ALG5: variants seen among roughly 807,000 people sequenced by gnomAD.
The protein encoded by ALG5 is dolichyl-phosphate beta-glucosyltransferase.
Under a neutral mutation model 51.8 loss-of-function variants are expected in ALG5, and 26 were observed. That is an observed-to-expected ratio of 0.50 (90% confidence interval 0.37 to 0.70). The LOEUF is 0.70. Among genes scored for constraint, ALG5 ranks in the 30% least tolerant of loss-of-function variants. The probability of loss-of-function intolerance (pLI) is 0.00; values close to 1 mark genes in which losing one functional copy is unlikely to be tolerated. For synonymous variants in ALG5, 141 were observed against 136.1 expected (o/e 1.04, Z -0.25); for missense variants, 311 against 399.3 (o/e 0.78, Z 1.88).
intron 8 of ALG5, among the ~76,000 whole-genome samples, chr13:36,955,447 T>C (rs2058835183): frequency 6.6e-6 from 1 of 151,932 alleles, no homozygotes; most frequent in African/African-American, 2.4e-5. Flanking sequence ...GAAGACACTG[T>C]AGTCATGCAA....
chr13:36,977,430 T>C (rs948814029), intron 6 of ALG5, among the ~76,000 whole-genome samples: 1 of 151,922 alleles, frequency 6.6e-6, no homozygotes, highest in South Asian at 2.1e-4. Flanking sequence ...GGTAAGAGGA[T>C]TGTGGCTGAG....
intron 6 of ALG5, among the ~76,000 whole-genome samples, chr13:36,984,100 ATT>A (rs776760270): frequency 3.8e-4 from 53 of 139,832 alleles, no homozygotes; most frequent in African/African-American, 9.7e-4. Context: ...TAGTTCTGTA[ATT>A]TTTTTTTTTT....
At chr13:36,961,469 T>C (rs1215585465) in intron 8 of ALG5, among the ~76,000 whole-genome samples, 2 of 152,174 alleles carry the variant, frequency 1.3e-5, no homozygotes, top group Non-Finnish European at 1.5e-5. Flanking sequence ...GAGGTATAAG[T>C]AACCTAGAGA....
chr13:36,999,194 G>A (rs764244031), intron 1 of ALG5, 41 bp downstream of exon 1: 2 of 1,522,092 alleles, frequency 1.3e-6, no homozygotes, highest in South Asian at 2.5e-5. Context: ...CCAGGAGAGC[G>A]GTAAGCCCCG....
At chr13:36,987,166 T>C (rs973984547) in intron 5 of ALG5, among the ~76,000 whole-genome samples, 1 of 152,198 alleles carries the variant, frequency 6.6e-6, no homozygotes, top group African/African-American at 2.4e-5. Flanking sequence ...TCCTCTCTCC[T>C]AGGCTATTCT....
chr13:36,997,190 A>G (rs2059054544), intron 1 of ALG5, among the ~76,000 whole-genome samples: 1 of 152,090 alleles, frequency 6.6e-6, no homozygotes, highest in Admixed American at 6.5e-5. Flanking sequence ...ACAAGGAAAA[A>G]GGCCGGGCGC....
intron 6 of ALG5, 90 bp from the exon 7 acceptor site, chr13:36,972,126 C>T: frequency 9.2e-7 from 1 of 1,083,812 alleles, no homozygotes; most frequent in Non-Finnish European, 1.3e-6. Context: ...TTTTTAGAAA[C>T]TGATTTTAAA....
intron 7 of ALG5, among the ~76,000 whole-genome samples, chr13:36,967,409 G>T (rs2058899856): frequency 1.3e-5 from 2 of 152,056 alleles, no homozygotes; most frequent in African/African-American, 4.8e-5. Context: ...AGGATTAAAT[G>T]AGATTATTTT....
chr13:36,977,419 A>G (rs1178252123), intron 6 of ALG5, among the ~76,000 whole-genome samples: 1 of 152,080 alleles, frequency 6.6e-6, no homozygotes, highest in African/African-American at 2.4e-5. Context: ...AGGGAGGCTG[A>G]GGTAAGAGGA....
chr13:36,974,039 G>C (rs1282551569), intron 6 of ALG5, among the ~76,000 whole-genome samples: 3 of 152,144 alleles, frequency 2.0e-5, no homozygotes, highest in African/African-American at 4.8e-5. Flanking sequence ...AATCATTTCA[G>C]TATTTGAAGT....
chr13:36,957,551 G>C lies in ALG5; in HGVS notation c.774-4952C>G, dbSNP rs550373776. Among the ~76,000 whole-genome samples the C allele has an allele frequency of 2.5e-4, 38 of 152,042 alleles. 1 individual carries two copies. Among genetic ancestry groups the C allele is most frequent in the African/African-American group, 9.2e-4 (38 of 41,374 alleles). On this transcript the variant is annotated intron_variant, in intron 8 of 9. Coordinates refer to ENST00000239891, the MANE Select transcript of ALG5 (RefSeq NM_013338.5). ...GCCTGGAGGCCACAATCCTCAGGAA[G>C]AGTCGAGAAAATGAACGAAACACTC... is the stretch of plus-strand genomic sequence containing the variant.
rs1328111780 is a variant in ALG5, at chr13:36,972,045, A to G, written c.562-9T>C. ...GCTATAGCCATTTGATTCTGAGGGAAAAAGCAGAGATAGTTTTTCAATATT... is the reference window on the plus strand; with the variant it reads ...GCTATAGCCATTTGATTCTGAGGGAGAAAGCAGAGATAGTTTTTCAATATT... On this transcript the variant is annotated splice_polypyrimidine_tract_variant and intron_variant, in intron 6 of 9. Coordinates refer to ENST00000239891, the MANE Select transcript of ALG5 (RefSeq NM_013338.5). 1 of 1,584,766 alleles carries G rather than the reference A, an allele frequency of 6.3e-7. No individual in the cohort carries two copies.
chr13:36,999,323 C>A lies in ALG5; in HGVS notation c.-23G>T. The A allele has an allele frequency of 6.4e-7, 1 of 1,562,236 alleles. No individual in the cohort carries two copies. Among genetic ancestry groups the A allele is most frequent in the Non-Finnish European group, 8.6e-7 (1 of 1,157,446 alleles). On this transcript the variant is annotated 5_prime_UTR_variant, in exon 1 of 10. Transcript: ENST00000239891. ...CATTCTCCATGCCGTGGCAGCCCGCCCAATCCCGCACCTCCACACAGGCGG... is the reference window on the plus strand; with the variant it reads ...CATTCTCCATGCCGTGGCAGCCCGCACAATCCCGCACCTCCACACAGGCGG...
In ALG5 at chr13:36,976,652, G is replaced by A. The variant is rs527391560; in HGVS notation, c.562-4616C>T. On this transcript the variant is annotated intron_variant, in intron 6 of 9. Transcript: ENST00000239891. ...AGTCCCAGCTACTTGGGAGGCTGAG[G>A]CAGGAGAATCGCTTGAACCTGGGAG... Among the ~76,000 whole-genome samples, 13 of 151,998 alleles carry A rather than the reference G, an allele frequency of 8.6e-5. 1 individual carries two copies. The East Asian group carries it at 2.5e-3, about 29-fold the overall frequency.
chr13:36,983,467 G>A (rs184901499), intron 6 of ALG5, among the ~76,000 whole-genome samples: 4 of 151,936 alleles, frequency 2.6e-5, no homozygotes, highest in Admixed American at 6.6e-5. Context: ...TACAACAAGC[G>A]GGGCATGGTG....
chr13:36,967,921 T>C (rs1174618603), intron 7 of ALG5: 6 of 635,190 alleles, frequency 9.4e-6, no homozygotes, highest in African/African-American at 1.9e-5. Context: ...TTGAGTGAGC[T>C]TATTTGTTCG....
intron 7 of ALG5, among the ~76,000 whole-genome samples, chr13:36,967,440 T>C (rs1472691874): frequency 1.3e-5 from 2 of 152,128 alleles, no homozygotes; most frequent in Non-Finnish European, 2.9e-5. Flanking sequence ...GCGAAGTGTT[T>C]GGCACAGAAA....
intron 4 of ALG5, among the ~76,000 whole-genome samples, chr13:36,992,600 T>C (rs1249808806): frequency 6.6e-6 from 1 of 152,160 alleles, no homozygotes; most frequent in Non-Finnish European, 1.5e-5. Context: ...CGGCCACCAT[T>C]TGTGAACTGA....
At chr13:36,964,051 A>T (rs1305291790) in intron 8 of ALG5, among the ~76,000 whole-genome samples, 1 of 152,206 alleles carries the variant, frequency 6.6e-6, no homozygotes, top group African/African-American at 2.4e-5. Context: ...TAATTACACA[A>T]ATATAAGAAA....
Sources: gnomAD v4.1 joint callset for allele counts (sites outside exome capture counted in the v4.1 genomes callset) on GRCh38, gnomAD v4.1.1 for gene constraint, MANE v1.5 for transcripts, NCBI Gene and HGNC (gene_info 2026-07-23, HGNC 2026-07-21) for gene names.